Variants in ZBTB20 observed in about 807,000 individuals in gnomAD.
ZBTB20 encodes zinc finger and BTB domain-containing protein 20.
In ZBTB20, 9 loss-of-function variants were observed where a neutral mutation model predicts 56.9. The ratio of observed to expected loss-of-function variants is 0.16; its 90% CI spans 0.10 to 0.28. The LOEUF is 0.28. Among genes scored for constraint, ZBTB20 ranks in the 10% least tolerant of loss-of-function variants. The pLI is 1.00. For missense variants in ZBTB20, 655 were observed against 1,003.0 expected (o/e 0.65, Z 4.69); for synonymous variants, 417 against 420.7 (o/e 0.99, Z 0.11).
chr3:115,083,861 T>C (rs1389631587), intron 1 of ZBTB20, among the ~76,000 whole-genome samples: 2 of 151,872 alleles, frequency 1.3e-5, no homozygotes, highest in African/African-American at 2.4e-5. Context: ...TTCTAAATAT[T>C]TTTGAAATAG....
intron 5 of ZBTB20, among the ~76,000 whole-genome samples, chr3:114,785,813 G>A (rs560110760): frequency 5.9e-5 from 9 of 152,144 alleles, no homozygotes; most frequent in South Asian, 2.1e-4. Flanking sequence ...TACTCTCTGC[G>A]TAAATTTAAT....
intron 2 of ZBTB20, among the ~76,000 whole-genome samples, chr3:115,055,008 A>G (rs556632198): frequency 6.6e-6 from 1 of 152,256 alleles, no homozygotes; most frequent in South Asian, 2.1e-4. Flanking sequence ...ATAGGAGTCC[A>G]TGCTTTCCTG....
chr3:115,104,359 T>C (rs977806193), intron 1 of ZBTB20, among the ~76,000 whole-genome samples: 6 of 152,210 alleles, frequency 3.9e-5, no homozygotes, highest in Admixed American at 2.6e-4. Context: ...TGCAAAGGAA[T>C]TGAAAACTTA....
In ZBTB20 at chr3:114,339,566, C is replaced by T. The variant is rs17670486; in HGVS notation, c.1805-140G>A. 413,439 of 1,071,580 alleles carry T rather than the reference C, an allele frequency of 0.39. 86,933 individuals are homozygous for T. Among genetic ancestry groups the T allele is most frequent in the Middle Eastern group, 0.44 (1,392 of 3,198 alleles). 66.4% of individuals were successfully genotyped at this position (1,071,580 alleles called of 1,614,324 possible). ...AAAATTTGATTGCTTAATGGATCAT[C>T]CTCGTTTGGAAAAATCCAGGCCCTC... On this transcript the variant is annotated intron_variant, in intron 11 of 11. Transcript: ENST00000675478. The surrounding 1 kb of genome is among the most constrained non-coding windows in gnomAD (Gnocchi z 4.2).
Position 114,844,330 on chromosome 3 carries a change from AATATATAT to A in ZBTB20, c.-416-43164_-416-43157del, listed in dbSNP as rs71146341. 3.0e-3 allele frequency among the ~76,000 whole-genome samples: 294 copies of A among 99,258 alleles called. 9 individuals are homozygous for A. The highest frequency in any genetic ancestry group is 0.014 in the African/African-American group (239 of 16,760). 65.1% of individuals were successfully genotyped at this position (99,258 alleles called of 152,430 possible). On this transcript the variant is annotated intron_variant, in intron 4 of 11. Transcript: ENST00000675478. The stretch of plus-strand genomic sequence containing the variant: ...GTTGCATAAGAAAATTACTGGAGTA[AATATATAT>A]ATATATATATATATATATATATATA...
At chr3:114,592,695 A>C (rs920689805) in intron 6 of ZBTB20, among the ~76,000 whole-genome samples, 2 of 152,254 alleles carry the variant, frequency 1.3e-5, no homozygotes, top group Non-Finnish European at 2.9e-5. Context: ...CAATGTTTTT[A>C]ATAAGTGGCT....
intron 3 of ZBTB20, among the ~76,000 whole-genome samples, chr3:114,915,994 C>T (rs983231758): frequency 1.3e-5 from 2 of 151,974 alleles, no homozygotes; most frequent in Non-Finnish European, 2.9e-5. Flanking sequence ...TGAGAATGAT[C>T]CATATGCTGA....
intron 4 of ZBTB20, among the ~76,000 whole-genome samples, chr3:114,844,520 CAAAAAAAAAAAAAAAAAA>C (rs71146342): frequency 2.6e-4 from 6 of 22,804 alleles, no homozygotes; most frequent in Admixed American, 1.9e-3. Context: ...GTCCCTGTCT[CAAAAAAAAAAAAAAAAAA>C]AAAAAAAAAA....
intron 1 of ZBTB20, among the ~76,000 whole-genome samples, chr3:115,119,960 T>C (rs2084134477): frequency 6.6e-6 from 1 of 151,952 alleles, no homozygotes; most frequent in African/African-American, 2.4e-5. Flanking sequence ...CAATATGATA[T>C]TCTGGAAAAG....
chr3:114,734,470 C>T (rs982066310), intron 5 of ZBTB20, among the ~76,000 whole-genome samples: 2 of 151,950 alleles, frequency 1.3e-5, no homozygotes, highest in African/African-American at 4.8e-5. Context: ...AAAGTCTTCA[C>T]TTATTGCCAT....
intron 7 of ZBTB20, among the ~76,000 whole-genome samples, chr3:114,471,524 G>C (rs907945484): frequency 6.6e-6 from 1 of 152,222 alleles, no homozygotes; most frequent in Non-Finnish European, 1.5e-5. Context: ...GGGTCCAGCA[G>C]GGTTGCATGG....
chr3:114,380,273 A>C lies in ZBTB20; in HGVS notation c.143T>G (p.Leu48Arg). Residue 48 changes from leucine (L) to arginine (R), a missense_variant, in exon 10 of 12, where the codon CTC becomes CGC. Transcript: ENST00000675478. ...TGTCAGTGAATGTGTTGAGTGGATG[A>C]GGGCTGGGTCTGGAGACAAAACAGC... ...FEAVLSPDPA[L>R]IHSTHSLTNS... The C allele has an allele frequency of 6.5e-7, 1 of 1,537,148 alleles. No individual in the cohort carries two copies. The highest frequency in any genetic ancestry group is 8.7e-7 in the Non-Finnish European group (1 of 1,146,868).
intron 7 of ZBTB20, among the ~76,000 whole-genome samples, chr3:114,446,652 T>C (rs2091289018): frequency 6.6e-6 from 1 of 152,182 alleles, no homozygotes; most frequent in African/African-American, 2.4e-5. Flanking sequence ...TCTTTCTTCA[T>C]GTAAGTGTTT....
chr3:114,403,332 G>C (rs763953067), intron 7 of ZBTB20, among the ~76,000 whole-genome samples: 9 of 152,060 alleles, frequency 5.9e-5, no homozygotes, highest in Admixed American at 1.3e-4. Flanking sequence ...AGCTGGTTTT[G>C]AACCTAGTAA....
chr3:114,447,066 C>G (rs1412357502), intron 7 of ZBTB20, among the ~76,000 whole-genome samples: 1 of 152,144 alleles, frequency 6.6e-6, no homozygotes, highest in East Asian at 1.9e-4. Flanking sequence ...GACAAAAATT[C>G]TGTGGCAATT....
rs532683480 is a variant in ZBTB20 at position 114,350,792 on chromosome 3, C to A, written c.1286G>T (p.Gly429Val). 2.5e-6 allele frequency: 4 copies of A among 1,614,070 alleles called. No homozygotes were observed. The South Asian group carries it at 4.4e-5, about 18-fold the overall frequency. Residue 429 changes from glycine (G) to valine (V), a missense_variant, in exon 11 of 12, where the codon GGT (glycine) becomes GTT (valine). This residue lies in a region of ZBTB20 where 156 missense variants were observed against 181.0 expected (regional missense o/e 0.86). Coordinates refer to ENST00000675478, the MANE Select transcript of ZBTB20 (RefSeq NM_001348800.3). Reference protein sequence around the residue: ...GGPQTNQLETGASSPERSNEV... With the variant: ...GGPQTNQLETVASSPERSNEV... ...ATTGCTTCTCTCCGGAGAGGAAGCA[C>A]CTGTTTCTAGCTGGTTTGTCTGCGG...
At chr3:114,919,758 G>A (rs1056419309) in intron 3 of ZBTB20, among the ~76,000 whole-genome samples, 1 of 150,970 alleles carries the variant, frequency 6.6e-6, no homozygotes, top group Admixed American at 6.6e-5. Flanking sequence ...AATGGCAATA[G>A]TAAGTCCTTA....
At chr3:114,559,567 C>T (rs1476999945) in intron 6 of ZBTB20, among the ~76,000 whole-genome samples, 1 of 152,142 alleles carries the variant, frequency 6.6e-6, no homozygotes, top group African/African-American at 2.4e-5. Context: ...GGGTCCATAG[C>T]TTTCATCATA....
chr3:114,436,457 G>A (rs2108926486), intron 7 of ZBTB20, among the ~76,000 whole-genome samples: 1 of 152,278 alleles, frequency 6.6e-6, no homozygotes, highest in African/African-American at 2.4e-5. Flanking sequence ...GACTCGAGAT[G>A]ACTGATTATT....
Sources: allele counts gnomAD v4.1 joint callset (sites outside exome capture counted in the v4.1 genomes callset), GRCh38; gene constraint gnomAD v4.1.1; regional missense constraint gnomAD v4.1.1; non-coding constraint Gnocchi (gnomAD v3.1); transcripts MANE v1.5; gene names NCBI Gene and HGNC (gene_info 2026-07-23, HGNC 2026-07-21).